BRWD3: variants seen among roughly 807,000 people sequenced by gnomAD.
The protein encoded by BRWD3 is bromodomain and WD repeat-containing protein 3.
BRWD3 carries 10 observed loss-of-function variants against 149.7 expected under a neutral mutation model. The observed-to-expected ratio is 0.07, with a 90% CI of 0.04 to 0.11. BRWD3 has a LOEUF of 0.11. BRWD3 is among the 10% of genes least tolerant of loss of function. The probability of loss-of-function intolerance (pLI) is 1.00; values close to 1 mark genes in which losing one functional copy is unlikely to be tolerated. For synonymous variants in BRWD3, 504 were observed against 456.7 expected, an observed-to-expected ratio of 1.10 and a Z score of -1.32; for missense variants, 940 against 1,373.2, an observed-to-expected ratio of 0.68 and a Z score of 4.99.
chrX:80,795,235 G>A (rs1429795275), intron 4 of BRWD3, among the ~76,000 whole-genome samples: 1 of 110,377 alleles, frequency 9.1e-6, no homozygotes, highest in Non-Finnish European at 1.9e-5. Flanking sequence ...AGAAAAACCA[G>A]AATATTAAAA....
In BRWD3 at chrX:80,737,241, C is replaced by T. The variant is rs540824551; in HGVS notation, c.814-1153G>A. On this transcript the variant is annotated intron_variant, in intron 8 of 40. Transcript: ENST00000373275. ...CTAAAATCAGTAGATGCTCAAGTCCCTGATATAAAATGGTATGGTATTTGC... is the reference window on the plus strand; with the variant it reads ...CTAAAATCAGTAGATGCTCAAGTCCTTGATATAAAATGGTATGGTATTTGC... Among the ~76,000 whole-genome samples, 34 of 111,231 alleles carry T rather than the reference C, an allele frequency of 3.1e-4. 1 individual carries two copies. The South Asian group carries it at 0.013, about 41-fold the overall frequency.
intron 5 of BRWD3, among the ~76,000 whole-genome samples, chrX:80,792,620 G>C (rs2074193228): frequency 9.0e-6 from 1 of 111,453 alleles, no homozygotes; most frequent in African/African-American, 3.3e-5. Flanking sequence ...TTAAAATCTG[G>C]TATCATTACA....
chrX:80,750,400 T>C (rs896875808), intron 6 of BRWD3, among the ~76,000 whole-genome samples: 2 of 110,107 alleles, frequency 1.8e-5, no homozygotes, highest in Non-Finnish European at 3.8e-5. Context: ...AAAAATGTAA[T>C]TAAAAATGGG....
intron 26 of BRWD3, among the ~76,000 whole-genome samples, chrX:80,696,426 A>G (rs751181994): frequency 8.2e-4 from 90 of 109,204 alleles, no homozygotes; most frequent in Admixed American, 7.6e-3. Context: ...TTAGGAAGAG[A>G]TTAGCATTTC....
chrX:80,771,499 GA>G (rs1483904098), intron 6 of BRWD3, among the ~76,000 whole-genome samples: 1 of 111,964 alleles, frequency 8.9e-6, no homozygotes, highest in African/African-American at 3.2e-5. Flanking sequence ...ATGAGATGGG[GA>G]AAGGATTCCC....
chrX:80,802,183 G>GT (rs946739321), intron 4 of BRWD3, among the ~76,000 whole-genome samples: 2 of 111,382 alleles, frequency 1.8e-5, no homozygotes, highest in African/African-American at 6.5e-5. Flanking sequence ...GCTCACGCCT[G>GT]TAATCCCAAC....
At chrX:80,709,676 A>G in intron 20 of BRWD3, 99 bp from the exon 21 acceptor site, 1 of 706,515 alleles carries the variant, frequency 1.4e-6, no homozygotes, top group Non-Finnish European at 2.1e-6. Flanking sequence ...AGGGGTGAGT[A>G]GGAGATGAGA....
chrX:80,803,542 G>A (rs1005172393), intron 4 of BRWD3, among the ~76,000 whole-genome samples: 5 of 112,004 alleles, frequency 4.5e-5, no homozygotes, highest in African/African-American at 6.5e-5. Flanking sequence ...ATATTTCAGA[G>A]AGCGCGTGGT....
intron 6 of BRWD3, among the ~76,000 whole-genome samples, chrX:80,782,678 C>G (rs1341710234): frequency 9.0e-6 from 1 of 111,119 alleles, no homozygotes; most frequent in Admixed American, 9.6e-5. Context: ...GTGGGAGGAT[C>G]ACTTGAGGCC....
intron 12 of BRWD3, among the ~76,000 whole-genome samples, chrX:80,732,194 T>G (rs946298349): frequency 2.7e-5 from 3 of 112,134 alleles, no homozygotes; most frequent in African/African-American, 9.7e-5. Context: ...TATGCAAATA[T>G]TCCAAAATCT....
chrX:80,766,784 GGGCGAGT>G (rs1054772375), intron 6 of BRWD3, among the ~76,000 whole-genome samples: 1 of 112,288 alleles, frequency 8.9e-6, no homozygotes, highest in African/African-American at 3.2e-5. Flanking sequence ...AGCCCTCGGA[GGGCGAGT>G]GGAAGCAGGG....
chrX:80,791,927 C>G lies in BRWD3; in HGVS notation c.357G>C (p.Gly119=). Reference sequence around the variant, plus strand: ...CTCTATGCAGAGCCGCAAAAGCAGACCCATTCCATAGTGTACTCTTACAGT... The same window carrying G: ...CTCTATGCAGAGCCGCAAAAGCAGAGCCATTCCATAGTGTACTCTTACAGT... ...AKDCKSTLWN[G]SAFAALHRGR... is the part of the protein sequence containing the mutation. The change falls in exon 6 of 41, where the codon GGG becomes GGC. Residue 119 remains glycine (G), a synonymous_variant. Transcript: ENST00000373275. The G allele has an allele frequency of 8.3e-7, 1 of 1,202,763 alleles. No individual in the cohort carries two copies. Among genetic ancestry groups the G allele is most frequent in the Non-Finnish European group, 1.1e-6 (1 of 888,471 alleles).
rs147077762 is a variant in BRWD3 at position 80,722,407 on chromosome X, C to T, written c.1876+155G>A. ...AGATAAACGATGAAAAAGTACTATG[C>T]TAAGGTAAAAACAACTGAAAATAAA... is the stretch of plus-strand genomic sequence containing the variant. On this transcript the variant is annotated intron_variant, in intron 17 of 40. Coordinates refer to ENST00000373275, the MANE Select transcript of BRWD3 (RefSeq NM_153252.5). 0.017 allele frequency among the ~76,000 whole-genome samples: 1,862 copies of T among 111,542 alleles called. 48 individuals are homozygous for T. The highest frequency in any genetic ancestry group is 0.058 in the African/African-American group (1,762 of 30,632).
At chrX:80,736,200 C>T (rs1438323596) in intron 8 of BRWD3, 112 bp from the exon 9 acceptor site, 3 of 511,591 alleles carry the variant, frequency 5.9e-6, no homozygotes, top group Non-Finnish European at 9.3e-6. Context: ...TCAATAAATT[C>T]AGCTAAAAAT....
chrX:80,736,942 C>T (rs2073413308), intron 8 of BRWD3, among the ~76,000 whole-genome samples: 1 of 111,830 alleles, frequency 8.9e-6, no homozygotes, highest in African/African-American at 3.2e-5. Context: ...TAAACATTTC[C>T]ATTGAGATGA....
intron 6 of BRWD3, among the ~76,000 whole-genome samples, chrX:80,767,832 A>G (rs949307519): frequency 5.4e-5 from 6 of 111,668 alleles, no homozygotes; most frequent in African/African-American, 1.6e-4. Flanking sequence ...AAAACTTTGA[A>G]AAAAGATTAA....
intron 5 of BRWD3, 38 bp from the exon 6 acceptor site, chrX:80,791,990 A>G: frequency 1.1e-6 from 1 of 929,894 alleles, no homozygotes; most frequent in Non-Finnish European, 1.5e-6. Context: ...GGAATAGAGC[A>G]GTTTTTTTTT....
intron 6 of BRWD3, among the ~76,000 whole-genome samples, chrX:80,753,733 T>C (rs1434038117): frequency 1.8e-5 from 2 of 112,260 alleles, no homozygotes; most frequent in Non-Finnish European, 3.8e-5. Context: ...TTTATTCTGC[T>C]GCATATGAAC....
chrX:80,701,404 C>T (rs928377228), intron 24 of BRWD3, among the ~76,000 whole-genome samples: 9 of 106,897 alleles, frequency 8.4e-5, no homozygotes, highest in African/African-American at 2.7e-4. Flanking sequence ...AAAAATTCAC[C>T]GGGCGTGGTG....
Sources: gnomAD v4.1 joint callset for allele counts (sites outside exome capture counted in the v4.1 genomes callset) on GRCh38, gnomAD v4.1.1 for gene constraint, MANE v1.5 for transcripts, NCBI Gene and HGNC (gene_info 2026-07-23, HGNC 2026-07-21) for gene names.